FRMD4A: variants seen among roughly 807,000 people sequenced by gnomAD.
FRMD4A encodes FERM domain containing 4A.
Under a neutral mutation model 129.1 loss-of-function variants are expected in FRMD4A, and 29 were observed. The observed-to-expected ratio is 0.22, with a 90% CI of 0.17 to 0.31. FRMD4A has a LOEUF of 0.31. Among genes scored for constraint, FRMD4A ranks in the 10% least tolerant of loss-of-function variants. The pLI is 1.00. For synonymous variants in FRMD4A, 634 were observed against 571.6 expected, an observed-to-expected ratio of 1.11 and a Z score of -1.56; for missense variants, 1,272 against 1,375.8, an observed-to-expected ratio of 0.92 and a Z score of 1.19.
At chr10:14,269,867 C>T (rs1845103196) in intron 2 of FRMD4A, among the ~76,000 whole-genome samples, 1 of 152,210 alleles carries the variant, frequency 6.6e-6, no homozygotes, top group Admixed American at 6.5e-5. Flanking sequence ...CAGCCCCTCT[C>T]CTGCAGAAAG....
At chr10:14,294,941 T>C (rs1304993568) in intron 2 of FRMD4A, among the ~76,000 whole-genome samples, 1 of 152,208 alleles carries the variant, frequency 6.6e-6, no homozygotes, top group Non-Finnish European at 1.5e-5. Flanking sequence ...TCTATCCTGG[T>C]ATCAGGGGGA....
intron 2 of FRMD4A, among the ~76,000 whole-genome samples, chr10:14,135,598 G>T (rs751987232): frequency 6.6e-6 from 1 of 152,136 alleles, no homozygotes; most frequent in Non-Finnish European, 1.5e-5. Flanking sequence ...TTATCAAGAG[G>T]CATAGGGGTT....
At chr10:14,118,397 C>T (rs1286014392) in intron 2 of FRMD4A, among the ~76,000 whole-genome samples, 1 of 152,184 alleles carries the variant, frequency 6.6e-6, no homozygotes, top group Non-Finnish European at 1.5e-5. Context: ...ACTTCAGTCA[C>T]TGGCCAAATA....
At chr10:13,924,420 T>C (rs2095106907) in intron 2 of FRMD4A, among the ~76,000 whole-genome samples, 1 of 151,576 alleles carries the variant, frequency 6.6e-6, no homozygotes, top group South Asian at 2.1e-4. Flanking sequence ...CTTTTTTTTT[T>C]TCCCAGTCAT....
intron 2 of FRMD4A, among the ~76,000 whole-genome samples, chr10:14,218,955 C>CAAAAAAAAAAAAAAAAAAAAAAAAAAA (rs56064346): frequency 1.4e-5 from 1 of 72,640 alleles, no homozygotes; most frequent in African/African-American, 7.7e-5. Context: ...GACTTCATCT[C>CAAAAAAAAAAAAAAAAAAAAAAAAAAA]AAAAAAAAAA....
At chr10:14,117,825 C>T (rs2131805816) in intron 2 of FRMD4A, among the ~76,000 whole-genome samples, 1 of 152,258 alleles carries the variant, frequency 6.6e-6, no homozygotes, top group Non-Finnish European at 1.5e-5. Context: ...GAAAGGAGTC[C>T]TTGTGAGTGT....
intron 2 of FRMD4A, among the ~76,000 whole-genome samples, chr10:13,879,712 CCTCCCTT>C (rs1434215359): frequency 1.9e-3 from 276 of 148,898 alleles, no homozygotes; most frequent in Admixed American, 2.8e-3. Flanking sequence ...TCCTCCTCTT[CCTCCCTT>C]CTCCCTTCTC....
chr10:14,259,435 A>G (rs1844725081), intron 2 of FRMD4A, among the ~76,000 whole-genome samples: 1 of 152,110 alleles, frequency 6.6e-6, no homozygotes, highest in Admixed American at 6.6e-5. Flanking sequence ...TAAAAATGGC[A>G]TTTTTTCAAT....
chr10:14,024,271 C>A (rs1430870359), intron 2 of FRMD4A, among the ~76,000 whole-genome samples: 3 of 152,178 alleles, frequency 2.0e-5, no homozygotes, highest in Admixed American at 6.5e-5. Flanking sequence ...AATGAGATTC[C>A]GTAATGGGGA....
chr10:14,169,263 C>T (rs912374252), intron 2 of FRMD4A, among the ~76,000 whole-genome samples: 18 of 152,084 alleles, frequency 1.2e-4, no homozygotes, highest in African/African-American at 3.6e-4. Context: ...TCTGCCACTT[C>T]GACTTCTGAT....
chr10:14,097,846 C>T (rs757357935), intron 2 of FRMD4A, among the ~76,000 whole-genome samples: 9 of 147,558 alleles, frequency 6.1e-5, no homozygotes, highest in African/African-American at 9.9e-5. Context: ...TTCTTGAACA[C>T]GTATATGTCA....
At chr10:14,115,638 T>C (rs1220517746) in intron 2 of FRMD4A, among the ~76,000 whole-genome samples, 1 of 152,182 alleles carries the variant, frequency 6.6e-6, no homozygotes, top group East Asian at 1.9e-4. Flanking sequence ...CTTGGGGTAA[T>C]GAGTGAGTTC....
At chr10:13,710,843 G>A (rs760537136) in intron 12 of FRMD4A, among the ~76,000 whole-genome samples, 54 of 152,182 alleles carry the variant, frequency 3.5e-4, no homozygotes, top group Middle Eastern at 3.4e-3. Context: ...GCAAAACTCC[G>A]TCTCTGCGAA....
Position 13,880,864 on chromosome 10 carries a change from C to G in FRMD4A, c.46-21952G>C, listed in dbSNP as rs532094133. On this transcript the variant is annotated intron_variant, in intron 2 of 24. Coordinates refer to ENST00000357447, the MANE Select transcript of FRMD4A (RefSeq NM_018027.5). ...CTTTGTTTTTCTTTGTAGTAATTAC[C>G]AGCTTCTAGCATCCTCTGTCACTTA... Among the ~76,000 whole-genome samples, 5 of 152,086 alleles carry G rather than the reference C, an allele frequency of 3.3e-5. No individual in the cohort carries two copies. The East Asian group carries it at 9.7e-4, about 29-fold the overall frequency.
At chr10:13,868,657 G>A (rs548714854) in intron 2 of FRMD4A, among the ~76,000 whole-genome samples, 2 of 152,100 alleles carry the variant, frequency 1.3e-5, no homozygotes, top group African/African-American at 4.8e-5. Flanking sequence ...AAATTAGCAG[G>A]GCATGGCGGT....
At chr10:14,114,178 T>G (rs1430987534) in intron 2 of FRMD4A, among the ~76,000 whole-genome samples, 1 of 152,238 alleles carries the variant, frequency 6.6e-6, no homozygotes, top group Non-Finnish European at 1.5e-5. Flanking sequence ...TTGGGCTAGT[T>G]TCCTGCAGAC....
intron 2 of FRMD4A, among the ~76,000 whole-genome samples, chr10:13,874,571 T>G (rs2094471144): frequency 6.6e-6 from 1 of 152,146 alleles, no homozygotes; most frequent in South Asian, 2.1e-4. Context: ...CAGGAAGGTA[T>G]TGTAACAACT....
Position 13,817,565 on chromosome 10 carries a change from C to T in FRMD4A, c.112-6657G>A, listed in dbSNP as rs141787306. Among the ~76,000 whole-genome samples the T allele has an allele frequency of 2.8e-3, 433 of 152,314 alleles. 1 individual carries two copies. The highest frequency in any genetic ancestry group is 0.01 in the African/African-American group (423 of 41,562). On this transcript the variant is annotated intron_variant, in intron 3 of 24. Coordinates refer to ENST00000357447, the MANE Select transcript of FRMD4A (RefSeq NM_018027.5). ...CGAGGCCAGGTGGAGATAACTGAATCATGGGTGTGGTTCCCCCATCTATTC... is the reference window on the plus strand; with the variant it reads ...CGAGGCCAGGTGGAGATAACTGAATTATGGGTGTGGTTCCCCCATCTATTC...
At chr10:13,930,867 C>G (rs1416397083) in intron 2 of FRMD4A, among the ~76,000 whole-genome samples, 2 of 152,070 alleles carry the variant, frequency 1.3e-5, no homozygotes, top group African/African-American at 2.4e-5. Context: ...GTGTCTTGCT[C>G]TGTTGCCCAG....
Sources: allele counts gnomAD v4.1 joint callset (sites outside exome capture counted in the v4.1 genomes callset), GRCh38; gene constraint gnomAD v4.1.1; transcripts MANE v1.5; gene names NCBI Gene and HGNC (gene_info 2026-07-23, HGNC 2026-07-21).